Variants in LSAMP observed in about 807,000 individuals in gnomAD.
The protein encoded by LSAMP is limbic system associated membrane protein.
LSAMP carries 7 observed loss-of-function variants against 38.6 expected under a neutral mutation model. The ratio of observed to expected loss-of-function variants is 0.18; its 90% CI spans 0.10 to 0.34. LSAMP has a LOEUF of 0.34. LSAMP is among the 10% of genes least tolerant of loss of function. LSAMP has a pLI of 1.00. For synonymous variants in LSAMP, 154 were observed against 166.8 expected, an observed-to-expected ratio of 0.92 and a Z score of 0.59; for missense variants, 313 against 420.0, an observed-to-expected ratio of 0.75 and a Z score of 2.23.
At position 116,332,955 on chromosome 3, in the gene LSAMP, CAT is replaced by C. The variant is rs1384706985; in HGVS notation, c.155+111920_155+111921del. Among the ~76,000 whole-genome samples, 6 of 151,886 alleles carry C rather than the reference CAT, an allele frequency of 4.0e-5. No homozygotes were observed. The South Asian group carries it at 8.3e-4, about 21-fold the overall frequency. On this transcript the variant is annotated intron_variant, in intron 1 of 6. Coordinates refer to ENST00000490035, the MANE Select transcript of LSAMP (RefSeq NM_002338.5). ...AGTAGGAAGATATAAAAATTATAAA[CAT>C]ATAACTAATATTAAATCTTCAAAAT... is the stretch of plus-strand genomic sequence containing the variant.
chr3:116,398,376 C>T (rs1005484660), intron 1 of LSAMP, among the ~76,000 whole-genome samples: 1 of 152,158 alleles, frequency 6.6e-6, no homozygotes, highest in Admixed American at 6.5e-5. Context: ...AGAGACATCG[C>T]TTCTCTAATT....
intron 3 of LSAMP, among the ~76,000 whole-genome samples, chr3:115,941,351 T>C (rs1027276199): frequency 6.6e-6 from 1 of 152,118 alleles, no homozygotes; most frequent in Non-Finnish European, 1.5e-5. Context: ...ATAGCCATTA[T>C]GAAAAACAGT....
At chr3:116,062,558 T>G (rs897308152) in intron 2 of LSAMP, among the ~76,000 whole-genome samples, 1 of 151,962 alleles carries the variant, frequency 6.6e-6, no homozygotes, top group African/African-American at 2.4e-5. Context: ...CAGTGTGAAA[T>G]CCAAAGTGCA....
intron 6 of LSAMP, among the ~76,000 whole-genome samples, chr3:115,836,838 A>G (rs1934805563): frequency 6.6e-6 from 1 of 152,146 alleles, no homozygotes; most frequent in African/African-American, 2.4e-5. Context: ...GTTAGAGTGC[A>G]GTGGCCTGAT....
At chr3:116,398,959 T>A (rs746388987) in intron 1 of LSAMP, among the ~76,000 whole-genome samples, 35 of 152,114 alleles carry the variant, frequency 2.3e-4, no homozygotes, top group Non-Finnish European at 4.6e-4. Context: ...AAAAGTGAGA[T>A]AAAGACTGAG....
intron 1 of LSAMP, among the ~76,000 whole-genome samples, chr3:116,238,920 AT>A (rs1390105732): frequency 6.6e-6 from 1 of 151,508 alleles, no homozygotes; most frequent in East Asian, 1.9e-4. Context: ...GTGTGCTTTT[AT>A]TTTTCCCCTC....
At chr3:116,121,888 T>TA (rs1352259325) in intron 1 of LSAMP, among the ~76,000 whole-genome samples, 1 of 122,958 alleles carries the variant, frequency 8.1e-6, no homozygotes, top group Non-Finnish European at 1.5e-5. Context: ...TTTTGTGATT[T>TA]TTTTTTTTTT....
intron 1 of LSAMP, among the ~76,000 whole-genome samples, chr3:116,340,071 C>T (rs1343554297): frequency 2.0e-5 from 3 of 152,026 alleles, no homozygotes; most frequent in African/African-American, 4.8e-5. Flanking sequence ...GGGAACAGAG[C>T]AAGGATTAGA....
At chr3:115,948,975 A>G (rs1323546589) in intron 3 of LSAMP, among the ~76,000 whole-genome samples, 3 of 152,118 alleles carry the variant, frequency 2.0e-5, no homozygotes, top group Non-Finnish European at 4.4e-5. Flanking sequence ...TCTACAAAAA[A>G]TACCAAAATT....
intron 1 of LSAMP, among the ~76,000 whole-genome samples, chr3:116,350,625 CTT>C (rs111826016): frequency 2.9e-5 from 4 of 135,962 alleles, no homozygotes; most frequent in Non-Finnish European, 4.7e-5. Flanking sequence ...GTCAAGGAAC[CTT>C]TTTTTTTTTT....
At chr3:115,897,235 CA>C (rs1159293375) in intron 3 of LSAMP, among the ~76,000 whole-genome samples, 4 of 151,940 alleles carry the variant, frequency 2.6e-5, no homozygotes, top group Non-Finnish European at 5.9e-5. Flanking sequence ...CTCATTTGGC[CA>C]GGGTTGTTGT....
Position 116,099,345 on chromosome 3 carries a change from T to C in LSAMP, c.156-12789A>G, listed in dbSNP as rs1204084784. Among the ~76,000 whole-genome samples the C allele has an allele frequency of 2.0e-5, 3 of 152,264 alleles. No homozygotes were observed. The East Asian group carries it at 5.8e-4, about 29-fold the overall frequency. Reference sequence around the variant, plus strand: ...CACAAAGACTCCCAAAATATGACTATTAAGTGAAAGAACAGGTAGAGGGAG... The same window carrying C: ...CACAAAGACTCCCAAAATATGACTACTAAGTGAAAGAACAGGTAGAGGGAG... On this transcript the variant is annotated intron_variant, in intron 1 of 6. Coordinates refer to ENST00000490035, the MANE Select transcript of LSAMP (RefSeq NM_002338.5).
At chr3:116,204,303 C>T (rs2046032976) in intron 1 of LSAMP, among the ~76,000 whole-genome samples, 1 of 150,896 alleles carries the variant, frequency 6.6e-6, no homozygotes, top group Non-Finnish European at 1.5e-5. Flanking sequence ...GGATATTAGC[C>T]CTTTGTCAGA....
At chr3:116,014,495 A>G (rs1940420985) in intron 3 of LSAMP, among the ~76,000 whole-genome samples, 1 of 152,316 alleles carries the variant, frequency 6.6e-6, no homozygotes, top group Middle Eastern at 3.4e-3. Context: ...AATATTGAAA[A>G]ATAAAAAATG....
intron 1 of LSAMP, among the ~76,000 whole-genome samples, chr3:116,353,159 G>C (rs2048164858): frequency 6.6e-6 from 1 of 152,082 alleles, no homozygotes; most frequent in Admixed American, 6.6e-5. Context: ...TCATGAGACA[G>C]AGATACAGCT....
intron 6 of LSAMP, among the ~76,000 whole-genome samples, chr3:115,832,172 T>C (rs1189513892): frequency 6.6e-6 from 1 of 152,122 alleles, no homozygotes; most frequent in African/African-American, 2.4e-5. Context: ...ATATTAATAA[T>C]AAAGCAGCTG....
chr3:116,390,188 C>T (rs1316970889), intron 1 of LSAMP, among the ~76,000 whole-genome samples: 6 of 151,740 alleles, frequency 4.0e-5, no homozygotes, highest in East Asian at 1.9e-4. Flanking sequence ...CAGCAACATT[C>T]GTGGATAGCA....
chr3:116,049,611 A>G (rs1576332885), intron 2 of LSAMP, among the ~76,000 whole-genome samples: 2 of 152,310 alleles, frequency 1.3e-5, no homozygotes, highest in South Asian at 4.1e-4. Context: ...TTGAATGGAT[A>G]TAAGAGGTCT....
At chr3:115,851,018 T>G (rs1045433963) in intron 4 of LSAMP, among the ~76,000 whole-genome samples, 1 of 152,174 alleles carries the variant, frequency 6.6e-6, no homozygotes, top group African/African-American at 2.4e-5. Flanking sequence ...TTGTTGCCCA[T>G]GCTGAAGTGC....
Sources: gnomAD v4.1 joint callset for allele counts (sites outside exome capture counted in the v4.1 genomes callset) on GRCh38, gnomAD v4.1.1 for gene constraint, MANE v1.5 for transcripts, NCBI Gene and HGNC (gene_info 2026-07-23, HGNC 2026-07-21) for gene names.